DIP2C: variants seen among roughly 807,000 people sequenced by gnomAD.
DIP2C encodes the protein DIP2 acetate--CoA ligase C (putative), also known as disco-interacting protein 2 homolog C.
Under a neutral mutation model 192.4 loss-of-function variants are expected in DIP2C, and 33 were observed. That is an observed-to-expected ratio of 0.17 (90% confidence interval 0.13 to 0.23). The LOEUF (loss-of-function observed/expected upper bound fraction) is 0.23. DIP2C is among the 10% of genes least tolerant of loss of function. The pLI is 1.00. For synonymous variants in DIP2C, 979 were observed against 864.1 expected, an observed-to-expected ratio of 1.13 and a Z score of -2.33; for missense variants, 1,537 against 2,110.1, an observed-to-expected ratio of 0.73 and a Z score of 5.32.
At chr10:527,718 T>A in intron 1 of DIP2C, among the ~76,000 whole-genome samples, 1 of 152,252 alleles carries the variant, frequency 6.6e-6, no homozygotes, top group Non-Finnish European at 1.5e-5. Flanking sequence ...GGATACAAGA[T>A]GTTATGAGAT....
chr10:567,836 G>A (rs774568746), intron 1 of DIP2C, among the ~76,000 whole-genome samples: 18 of 151,978 alleles, frequency 1.2e-4, no homozygotes, highest in Non-Finnish European at 2.4e-4. Flanking sequence ...CACCATTTTG[G>A]CCAAGCTGGT....
At chr10:555,500 G>A (rs2130964984) in intron 1 of DIP2C, among the ~76,000 whole-genome samples, 1 of 152,330 alleles carries the variant, frequency 6.6e-6, no homozygotes, top group Admixed American at 6.5e-5. Context: ...ACCCCAGCAT[G>A]CGGGTATCTC....
At chr10:326,627 T>G (rs1957283137) in intron 31 of DIP2C, among the ~76,000 whole-genome samples, 1 of 152,226 alleles carries the variant, frequency 6.6e-6, no homozygotes, top group African/African-American at 2.4e-5. Context: ...ACCTGCTCAA[T>G]GTCATTAAGT....
At chr10:502,683 G>T (rs1475309118) in intron 1 of DIP2C, among the ~76,000 whole-genome samples, 3 of 152,110 alleles carry the variant, frequency 2.0e-5, no homozygotes, top group Non-Finnish European at 4.4e-5. Flanking sequence ...CTACGTATTG[G>T]CAATTAGTAT....
chr10:315,305 T>C (rs1255456524), intron 31 of DIP2C, among the ~76,000 whole-genome samples: 1 of 152,224 alleles, frequency 6.6e-6, no homozygotes, highest in Non-Finnish European at 1.5e-5. Flanking sequence ...TTTTCTTGTA[T>C]TTACTCTTTT....
At chr10:624,020 G>A (rs1854040715) in intron 1 of DIP2C, among the ~76,000 whole-genome samples, 1 of 152,242 alleles carries the variant, frequency 6.6e-6, no homozygotes, top group Admixed American at 6.5e-5. Flanking sequence ...AGCCAACACA[G>A]TTGGGCTCGA....
intron 1 of DIP2C, among the ~76,000 whole-genome samples, chr10:595,228 G>C (rs1290537936): frequency 1.3e-5 from 2 of 152,136 alleles, no homozygotes; most frequent in African/African-American, 4.8e-5. Context: ...GTCCCCTCAC[G>C]CAGGTTTACT....
chr10:482,162 C>T (rs562710289), intron 2 of DIP2C, among the ~76,000 whole-genome samples: 3 of 152,160 alleles, frequency 2.0e-5, no homozygotes, highest in Non-Finnish European at 4.4e-5. Flanking sequence ...AGCAGAGTTC[C>T]TCATGTGGAT....
At chr10:460,059 C>G (rs990138191) in intron 3 of DIP2C, among the ~76,000 whole-genome samples, 1 of 149,866 alleles carries the variant, frequency 6.7e-6, no homozygotes, top group South Asian at 2.1e-4. Context: ...GCTCTAGTAT[C>G]TTCCTCCCAC....
chr10:394,653 C>T (rs189561802), intron 10 of DIP2C, among the ~76,000 whole-genome samples: 1,956 of 142,388 alleles, frequency 0.014, 20 homozygotes, highest in Admixed American at 0.022. Context: ...ACACAGTGGG[C>T]GCTATTCAGC....
intron 1 of DIP2C, among the ~76,000 whole-genome samples, chr10:609,062 G>C (rs1181871576): frequency 6.6e-6 from 1 of 151,562 alleles, no homozygotes; most frequent in East Asian, 1.9e-4. Flanking sequence ...ATAAACAAAA[G>C]GAGTATCACA....
intron 1 of DIP2C, among the ~76,000 whole-genome samples, chr10:531,389 C>T (rs763354367): frequency 1.8e-4 from 27 of 152,080 alleles, no homozygotes; most frequent in African/African-American, 5.3e-4. Context: ...ACAGTTCCCC[C>T]GAGACCACAT....
At chr10:575,840 G>T (rs1038337618) in intron 1 of DIP2C, among the ~76,000 whole-genome samples, 2 of 152,140 alleles carry the variant, frequency 1.3e-5, no homozygotes, top group African/African-American at 4.8e-5. Context: ...GTCAATTTAG[G>T]GTCATTTTCA....
intron 1 of DIP2C, among the ~76,000 whole-genome samples, chr10:517,307 A>AC (rs1202899560): frequency 1.3e-5 from 2 of 151,990 alleles, no homozygotes; most frequent in African/African-American, 4.8e-5. Context: ...TTAACATGAC[A>AC]CCCCCACTAT....
At chr10:471,600 T>C (rs1428861978) in intron 3 of DIP2C, among the ~76,000 whole-genome samples, 1 of 152,190 alleles carries the variant, frequency 6.6e-6, no homozygotes, top group Non-Finnish European at 1.5e-5. Context: ...GATTCACGAA[T>C]CGGGTCCATC....
chr10:464,455 A>AACTGG (rs1381541681), intron 3 of DIP2C, among the ~76,000 whole-genome samples: 1 of 152,192 alleles, frequency 6.6e-6, no homozygotes, highest in African/African-American at 2.4e-5. Flanking sequence ...ATACCATTCC[A>AACTGG]CGCCAGTTAG....
At chr10:521,890 C>G (rs931234148) in intron 1 of DIP2C, among the ~76,000 whole-genome samples, 2 of 152,074 alleles carry the variant, frequency 1.3e-5, no homozygotes, top group Admixed American at 6.5e-5. Flanking sequence ...CCACCCCCAC[C>G]GGACCAGCAT....
At chr10:535,293 G>T (rs539697572) in intron 1 of DIP2C, among the ~76,000 whole-genome samples, 2 of 152,022 alleles carry the variant, frequency 1.3e-5, no homozygotes, top group African/African-American at 4.8e-5. Context: ...GGTGGGGAGA[G>T]GAGACAAGCA....
chr10:335,897 C>T (rs1363309541), intron 29 of DIP2C, among the ~76,000 whole-genome samples: 1 of 152,126 alleles, frequency 6.6e-6, no homozygotes, highest in African/African-American at 2.4e-5. Context: ...GTGTTACAAC[C>T]TGTTGCAATC....
Sources: gnomAD v4.1 joint callset for allele counts (sites outside exome capture counted in the v4.1 genomes callset) on GRCh38, gnomAD v4.1.1 for gene constraint, MANE v1.5 for transcripts, NCBI Gene and HGNC (gene_info 2026-07-23, HGNC 2026-07-21) for gene names.